The following MALRD1 variants were observed in gnomAD, a reference collection of about 807,000 sequenced individuals.
The protein encoded by MALRD1 is MAM and LDL-receptor class A domain-containing protein 1.
MALRD1 carries 247 observed loss-of-function variants against 242.1 expected under a neutral mutation model. That is an observed-to-expected ratio of 1.02 (90% CI 0.92 to 1.13). The LOEUF is 1.13. Among genes scored for constraint, MALRD1 ranks in the 50% most tolerant of loss-of-function variants. The pLI, the probability that MALRD1 is intolerant of heterozygous loss-of-function variation, is 0.00. For missense variants in MALRD1, 2,989 were observed against 2,533.1 expected (o/e 1.18, Z -3.86); for synonymous variants, 995 against 866.6 (o/e 1.15, Z -2.60).
chr10:19,053,190 G>A (rs1590362601), intron 1 of MALRD1, among the ~76,000 whole-genome samples: 1 of 152,188 alleles, frequency 6.6e-6, no homozygotes, highest in African/African-American at 2.4e-5. Flanking sequence ...GGAGTCTTTG[G>A]TGGTTGAACG....
intron 33 of MALRD1, among the ~76,000 whole-genome samples, chr10:19,586,900 C>T (rs557987019): frequency 1.4e-4 from 21 of 152,346 alleles, no homozygotes; most frequent in South Asian, 8.3e-4. Context: ...TAGGACACTC[C>T]GAGCCAGGTG....
intron 9 of MALRD1, 148 bp downstream of exon 9, chr10:19,134,096 T>G (rs1010280926): frequency 4.3e-5 from 17 of 392,146 alleles, no homozygotes; most frequent in Non-Finnish European, 7.5e-5. Context: ...TGCTTACTTT[T>G]TAAATTGTAC....
chr10:19,441,213 T>C (rs1834627448), intron 28 of MALRD1, among the ~76,000 whole-genome samples: 1 of 152,220 alleles, frequency 6.6e-6, no homozygotes, highest in South Asian at 2.1e-4. Flanking sequence ...CTTGTAAATT[T>C]AAGTTCTTTG....
At chr10:19,700,013 T>C (rs966974680) in intron 38 of MALRD1, among the ~76,000 whole-genome samples, 1 of 136,536 alleles carries the variant, frequency 7.3e-6, no homozygotes, top group African/African-American at 2.9e-5. Context: ...CCAAGTGAAA[T>C]TGATTTAGAC....
intron 28 of MALRD1, among the ~76,000 whole-genome samples, chr10:19,444,489 G>A (rs1834850605): frequency 6.6e-6 from 1 of 152,014 alleles, no homozygotes; most frequent in South Asian, 2.1e-4. Context: ...AGGAGCTATT[G>A]TAAGGCAGGC....
intron 31 of MALRD1, among the ~76,000 whole-genome samples, chr10:19,501,803 A>G (rs931040753): frequency 1.1e-4 from 17 of 152,068 alleles, no homozygotes; most frequent in African/African-American, 4.1e-4. Context: ...AGGCTGAGGC[A>G]GGAGGATTGC....
chr10:19,184,716 T>G (rs1835662773), intron 14 of MALRD1, among the ~76,000 whole-genome samples: 1 of 152,068 alleles, frequency 6.6e-6, no homozygotes, highest in Non-Finnish European at 1.5e-5. Flanking sequence ...CCCAGCTAAT[T>G]TTTGTATTTT....
intron 29 of MALRD1, among the ~76,000 whole-genome samples, chr10:19,482,711 A>G (rs1408710243): frequency 6.6e-6 from 1 of 151,418 alleles, no homozygotes; most frequent in African/African-American, 2.4e-5. Flanking sequence ...AGCAAAAAAT[A>G]CTTAGGAATA....
At chr10:19,431,980 G>A (rs1174661709) in intron 28 of MALRD1, among the ~76,000 whole-genome samples, 2 of 151,752 alleles carry the variant, frequency 1.3e-5, no homozygotes, top group African/African-American at 4.8e-5. Flanking sequence ...GTTCTTCTAC[G>A]TTCTACCATA....
intron 4 of MALRD1, among the ~76,000 whole-genome samples, chr10:19,098,937 A>T (rs1836145099): frequency 6.6e-6 from 1 of 152,160 alleles, no homozygotes; most frequent in South Asian, 2.1e-4. Flanking sequence ...TAGGTGTGTT[A>T]TTTGCATAAG....
intron 18 of MALRD1, among the ~76,000 whole-genome samples, chr10:19,240,295 G>A (rs190749622): frequency 6.6e-6 from 1 of 151,884 alleles, no homozygotes; most frequent in Non-Finnish European, 1.5e-5. Flanking sequence ...TTCACTATTA[G>A]TGTATAGAAA....
chr10:19,413,755 G>A lies in MALRD1; in HGVS notation c.4845+24146G>A, dbSNP rs372381656. Reference sequence around the variant, plus strand: ...TCCCAGTGCTTTGGGAGGCCGAGGCGAGTGGATCACAAGGTCAGGAGTTTG... The same window carrying A: ...TCCCAGTGCTTTGGGAGGCCGAGGCAAGTGGATCACAAGGTCAGGAGTTTG... On this transcript the variant is annotated intron_variant, in intron 28 of 39. Transcript: ENST00000454679. Among the ~76,000 whole-genome samples the A allele has an allele frequency of 5.3e-5, 8 of 151,852 alleles. No individual in the cohort carries two copies. The East Asian group carries it at 5.9e-4, about 11-fold the overall frequency.
intron 1 of MALRD1, among the ~76,000 whole-genome samples, chr10:19,059,696 C>A (rs1360335507): frequency 6.6e-6 from 1 of 151,646 alleles, no homozygotes; most frequent in Non-Finnish European, 1.5e-5. Context: ...TGGCCCTCTG[C>A]ATCTATTTTT....
chr10:19,399,473 G>A (rs771950318), intron 28 of MALRD1, among the ~76,000 whole-genome samples: 18 of 152,128 alleles, frequency 1.2e-4, no homozygotes, highest in Non-Finnish European at 2.5e-4. Context: ...TCCAACCAAA[G>A]TAGGGTAGAA....
rs748992275 is a variant in MALRD1 at position 19,352,248 on chromosome 10, A to C, written c.4392A>C (p.Leu1464=). The change falls in exon 26 of 40, where the codon CTA becomes CTC. Residue 1464 remains leucine, a synonymous_variant. Coordinates refer to ENST00000454679, the MANE Select transcript of MALRD1 (RefSeq NM_001142308.3). Reference sequence around the variant, plus strand: ...ACATTGTGCTTACAGAAAATTGTCTATCACTCCATGATTCCGTGCAAGAAG... The same window carrying C: ...ACATTGTGCTTACAGAAAATTGTCTCTCACTCCATGATTCCGTGCAAGAAG... ...LDDIVLTENC[L]SLHDSVQEEL... The C allele has an allele frequency of 1.3e-6, 2 of 1,550,392 alleles. No homozygotes were observed. Among genetic ancestry groups the C allele is most frequent in the Non-Finnish European group, 1.7e-6 (2 of 1,146,878 alleles).
chr10:19,721,980 G>A (rs1401192893), intron 38 of MALRD1: 2 of 152,266 alleles, frequency 1.3e-5, no homozygotes, highest in Non-Finnish European at 2.9e-5. Flanking sequence ...TCTTTCCTCT[G>A]TGGGGTTTGA....
intron 30 of MALRD1, among the ~76,000 whole-genome samples, chr10:19,496,471 G>A (rs1056890466): frequency 3.3e-5 from 5 of 152,138 alleles, no homozygotes; most frequent in Admixed American, 6.5e-5. Flanking sequence ...GGTAAATAAT[G>A]ACACTAAAGT....
At chr10:19,541,607 T>C (rs544749223) in intron 32 of MALRD1, among the ~76,000 whole-genome samples, 1 of 152,346 alleles carries the variant, frequency 6.6e-6, no homozygotes, top group East Asian at 1.9e-4. Context: ...CAATGTCTTA[T>C]ATTTTAATCT....
At chr10:19,083,051 T>A (rs926614595) in intron 2 of MALRD1, among the ~76,000 whole-genome samples, 13 of 151,994 alleles carry the variant, frequency 8.6e-5, no homozygotes, top group African/African-American at 3.1e-4. Context: ...CCTTCTTTTA[T>A]AAAGGAGTTA....
Sources: gnomAD v4.1 joint callset for allele counts (sites outside exome capture counted in the v4.1 genomes callset) on GRCh38, gnomAD v4.1.1 for gene constraint, MANE v1.5 for transcripts, NCBI Gene and HGNC (gene_info 2026-07-23, HGNC 2026-07-21) for gene names.